Variants in TOP2B observed in about 807,000 individuals in gnomAD.
TOP2B encodes the protein DNA topoisomerase II beta.
Under a neutral mutation model 193.5 loss-of-function variants are expected in TOP2B, and 51 were observed. That is an observed-to-expected ratio of 0.26 (90% CI 0.21 to 0.33). The LOEUF (loss-of-function observed/expected upper bound fraction) is 0.33. Ranked by LOEUF, TOP2B falls within the 10% of genes least tolerant of loss-of-function variation. The pLI, the probability that TOP2B is intolerant of heterozygous loss-of-function variation, is 1.00. For missense variants in TOP2B, 1,378 were observed against 1,909.3 expected, an observed-to-expected ratio of 0.72 and a Z score of 5.19; for synonymous variants, 634 against 635.7, an observed-to-expected ratio of 1.00 and a Z score of 0.04.
At chr3:25,633,655 A>G (rs1417058399) in intron 8 of TOP2B, among the ~76,000 whole-genome samples, 186 bp downstream of exon 8, 3 of 152,180 alleles carry the variant, frequency 2.0e-5, no homozygotes, top group South Asian at 4.1e-4. Flanking sequence ...TTTCTCAATA[A>G]TTGTTTAAAT....
intron 35 of TOP2B, among the ~76,000 whole-genome samples, 153 bp from the exon 36 acceptor site, chr3:25,598,630 C>T (rs1701996407): frequency 6.6e-6 from 1 of 152,128 alleles, no homozygotes; most frequent in African/African-American, 2.4e-5. Flanking sequence ...AAGTGTAAGA[C>T]CAGTTATCTT....
rs1378024611 is a variant in TOP2B at position 25,645,488 on chromosome 3, A to G, written c.70-18T>C. On this transcript the variant is annotated intron_variant, in intron 1 of 35. Coordinates refer to ENST00000264331, the MANE Select transcript of TOP2B (RefSeq NM_001330700.2). ...AAAAGAGTCTAAAATTAACCAAAAA[A>G]TCAAATTTAAATAACCTACCAAGGG... 1 of 1,579,694 alleles carries G rather than the reference A, an allele frequency of 6.3e-7. No homozygotes were observed. Among genetic ancestry groups the G allele is most frequent in the Non-Finnish European group, 8.6e-7 (1 of 1,161,388 alleles).
Position 25,664,325 on chromosome 3 carries a change from G to A in TOP2B, c.-28C>T, listed in dbSNP as rs1486700532. On this transcript the variant is annotated 5_prime_UTR_variant, in exon 1 of 36. Coordinates refer to ENST00000264331, the MANE Select transcript of TOP2B (RefSeq NM_001330700.2). ...CGAGTGCCTCCAGCTCACAGGCCCT[G>A]AGGCCGCAGCCGCCGCTCCCGCCTC... 4.8e-6 allele frequency: 7 copies of A among 1,468,330 alleles called. No individual in the cohort carries two copies. Among genetic ancestry groups the A allele is most frequent in the Non-Finnish European group, 5.4e-6 (6 of 1,118,456 alleles). The allele number at this position is 1,468,330 out of a possible 1,614,324, so 91.0% of individuals were successfully genotyped here.
chr3:25,664,535 G>A lies in TOP2B; in HGVS notation c.-238C>T, dbSNP rs1704031102. 1 of 1,137,896 alleles carries A rather than the reference G, an allele frequency of 8.8e-7. No individual in the cohort carries two copies. The highest frequency in any genetic ancestry group is 4.4e-5 in the South Asian group (1 of 22,950). 70.5% of individuals were successfully genotyped at this position (1,137,896 alleles called of 1,614,324 possible). On this transcript the variant is annotated 5_prime_UTR_variant, in exon 1 of 36. Transcript: ENST00000264331. Reference sequence around the variant, plus strand: ...GGCGTCCGCGTCGCCCGGGCCTAGCGCGGCGGCTGAGGAGAAAGCAGGGAG... The same window carrying A: ...GGCGTCCGCGTCGCCCGGGCCTAGCACGGCGGCTGAGGAGAAAGCAGGGAG...
chr3:25,623,332 C>T (rs1261513618), intron 21 of TOP2B, among the ~76,000 whole-genome samples, 183 bp downstream of exon 21: 2 of 152,084 alleles, frequency 1.3e-5, no homozygotes, highest in Non-Finnish European at 2.9e-5. Flanking sequence ...AACTTACCTC[C>T]AAAACTCATT....
At chr3:25,651,864 C>CA (rs753903605) in intron 1 of TOP2B, among the ~76,000 whole-genome samples, 915 of 89,888 alleles carry the variant, frequency 0.01, 4 homozygotes, top group Middle Eastern at 0.013. Context: ...GATTGTGTCT[C>CA]AAAAAAAAAA....
intron 4 of TOP2B, among the ~76,000 whole-genome samples, chr3:25,640,731 T>C (rs1263998384): frequency 6.6e-6 from 1 of 151,638 alleles, no homozygotes; most frequent in Non-Finnish European, 1.5e-5. Context: ...AGAGTTGTCT[T>C]ATAGCTCACT....
Position 25,615,454 on chromosome 3 carries a change from G to T in TOP2B, c.3484C>A (p.Leu1162Met). 1.3e-6 allele frequency: 2 copies of T among 1,561,968 alleles called. No homozygotes were observed. The highest frequency in any genetic ancestry group is 1.7e-6 in the Non-Finnish European group (2 of 1,156,582). Reference protein sequence around the residue: ...WSLTKEKVEELIKQRDAKGRE... With the variant: ...WSLTKEKVEEMIKQRDAKGRE... The stretch of plus-strand genomic sequence containing the variant: ...ACTTTTGCATCTCTCTGTTTAATCA[G>T]TTCTTCAACTTTTTCTTTAGTAAGA... The change falls in exon 26 of 36, where the codon CTG (leucine) becomes ATG (methionine). Residue 1162 changes from leucine (L) to methionine (M), a missense_variant. Transcript: ENST00000264331.
intron 2 of TOP2B, among the ~76,000 whole-genome samples, chr3:25,644,105 T>G: frequency 6.6e-6 from 1 of 151,996 alleles, no homozygotes. Flanking sequence ...TTAATGCTTT[T>G]TTTTTTTTTT....
chr3:25,608,302 T>A (rs1702285614), intron 30 of TOP2B, among the ~76,000 whole-genome samples: 1 of 152,230 alleles, frequency 6.6e-6, no homozygotes, highest in Non-Finnish European at 1.5e-5. Context: ...TTATTATAAT[T>A]TCTAGCATGT....
At position 25,615,688 on chromosome 3, in the gene TOP2B, T is replaced by C. The variant is rs558098697; in HGVS notation, c.3352-102A>G. 3.0e-6 allele frequency: 3 copies of C among 992,764 alleles called. No individual in the cohort carries two copies. In the East Asian group the frequency reaches 8.9e-5, roughly 30 times the overall value. The allele number at this position is 992,764 out of a possible 1,614,324, so 61.5% of individuals were successfully genotyped here. A position where few individuals can be genotyped will look rare whatever the true frequency, so the allele number is the denominator to read the frequency against. ...TTAAAATTCTACAAGTGCTACACTATAAATGCTACATCTTCAGGATGGTGG... is the reference window on the plus strand; with the variant it reads ...TTAAAATTCTACAAGTGCTACACTACAAATGCTACATCTTCAGGATGGTGG... On this transcript the variant is annotated intron_variant, in intron 25 of 35. Transcript: ENST00000264331.
In TOP2B at chr3:25,630,082, C is replaced by T; in HGVS notation, c.1636G>A (p.Ala546Thr). ...GLQYKKSYDD[A>T]ESLKTLRYGK... is the part of the protein sequence containing the mutation. ...TAGCGTAAGGTTTTCAGAGATTCTG[C>T]ATCATCGTAACTTTTCTTATATTGT... Residue 546 changes from alanine to threonine, a missense_variant, in exon 13 of 36, where the codon GCA becomes ACA. Ala to Thr is a moderately conservative substitution (Grantham distance 58, BLOSUM62 0). This residue lies in a region of TOP2B where 66 missense variants were observed against 153.3 expected (regional missense o/e 0.43). Transcript: ENST00000264331. 6.2e-7 allele frequency: 1 copy of T among 1,607,898 alleles called. No homozygotes were observed. The highest frequency in any genetic ancestry group is 8.5e-7 in the Non-Finnish European group (1 of 1,176,972).
In TOP2B at chr3:25,618,131, T is replaced by G. The variant is rs6802614; in HGVS notation, c.3351+287A>C. 6.9e-3 allele frequency: 2,328 copies of G among 337,218 alleles called. 48 individuals are homozygous for G. The highest frequency in any genetic ancestry group is 0.043 in the African/African-American group (2,039 of 47,750). The allele number at this position is 337,218 out of a possible 1,614,324, so 20.9% of individuals were successfully genotyped here. ...AAACCACCACCACAACACCTTTTAA[T>G]GGCAGACTCAGGAAAAAAGGTCAAG... On this transcript the variant is annotated intron_variant, in intron 25 of 35. Transcript: ENST00000264331.
intron 34 of TOP2B, among the ~76,000 whole-genome samples, chr3:25,600,411 T>G (rs1343475023): frequency 6.6e-6 from 1 of 152,228 alleles, no homozygotes; most frequent in Non-Finnish European, 1.5e-5. Context: ...CTGCATATCT[T>G]GAGTACTACT....
chr3:25,639,226 T>C (rs1703189129), intron 4 of TOP2B, among the ~76,000 whole-genome samples: 1 of 152,248 alleles, frequency 6.6e-6, no homozygotes, highest in Non-Finnish European at 1.5e-5. Context: ...TTTTGAAAGC[T>C]ACAGTTTTAA....
At chr3:25,623,370 A>G (rs1702713435) in intron 21 of TOP2B, 145 bp downstream of exon 21, 1 of 695,196 alleles carries the variant, frequency 1.4e-6, no homozygotes, top group South Asian at 2.0e-5. Context: ...TACTGTAGGC[A>G]CATATCAAAT....
intron 18 of TOP2B, 60 bp downstream of exon 18, chr3:25,626,500 T>C: frequency 1.1e-6 from 1 of 939,850 alleles, no homozygotes; most frequent in East Asian, 2.8e-5. Flanking sequence ...TGGCTTAAAG[T>C]ACATGAAATT....
At chr3:25,635,733 T>C (rs931889025) in intron 7 of TOP2B, among the ~76,000 whole-genome samples, 30 of 151,860 alleles carry the variant, frequency 2.0e-4, no homozygotes, top group African/African-American at 7.3e-4. Flanking sequence ...GTAACATATA[T>C]ATAACCAAGA....
rs1370339260 is a variant in TOP2B at position 25,612,663 on chromosome 3, C to T, written c.3638G>A (p.Gly1213Glu). The T allele has an allele frequency of 6.2e-7, 1 of 1,613,570 alleles. No individual in the cohort carries two copies. The highest frequency in any genetic ancestry group is 8.5e-7 in the Non-Finnish European group (1 of 1,179,664). ...GCCAACTTTACCTTTAATTGCTTTTCCAGACATTCCAGCCAGAACATCTTC... is the reference window on the plus strand; with the variant it reads ...GCCAACTTTACCTTTAATTGCTTTTTCAGACATTCCAGCCAGAACATCTTC... ...EREDVLAGMS[G>E]KAIKGKVGKP... The change falls in exon 28 of 36, where the codon GGA (glycine) becomes GAA (glutamate). Residue 1213 changes from glycine (G) to glutamate (E), a missense_variant. Gly to Glu is a moderately conservative substitution (Grantham distance 98, BLOSUM62 -2). Around this residue, in one of 9 missense-constraint regions of TOP2B, gnomAD observed 556 missense variants for 584.2 expected, o/e 0.95. Coordinates refer to ENST00000264331, the MANE Select transcript of TOP2B (RefSeq NM_001330700.2).
Sources: gnomAD v4.1 joint callset for allele counts (sites outside exome capture counted in the v4.1 genomes callset) on GRCh38, gnomAD v4.1.1 for gene constraint, gnomAD v4.1.1 regional missense constraint, MANE v1.5 for transcripts, NCBI Gene and HGNC (gene_info 2026-07-23, HGNC 2026-07-21) for gene names.